HS6ST3: variants seen among roughly 807,000 people sequenced by gnomAD.
HS6ST3 encodes heparan sulfate 6-O-sulfotransferase 3.
A neutral mutation model predicts 36.7 loss-of-function variants in HS6ST3; 12 were observed. That is an observed-to-expected ratio of 0.33 (90% CI 0.21 to 0.53). The LOEUF is 0.53. HS6ST3 is among the 20% of genes least tolerant of loss of function. HS6ST3 has a pLI of 0.95. For synonymous variants in HS6ST3, 240 were observed against 257.5 expected, an observed-to-expected ratio of 0.93 and a Z score of 0.65; for missense variants, 584 against 640.9, an observed-to-expected ratio of 0.91 and a Z score of 0.96.
chr13:96,517,750 G>T (rs183128117), intron 1 of HS6ST3, among the ~76,000 whole-genome samples: 63 of 151,910 alleles, frequency 4.1e-4, no homozygotes, highest in African/African-American at 1.5e-3. Flanking sequence ...TCTCCCTCCT[G>T]CCACCCCCCA....
intron 1 of HS6ST3, among the ~76,000 whole-genome samples, chr13:96,362,373 G>T (rs1328315049): frequency 6.6e-6 from 1 of 152,124 alleles, no homozygotes; most frequent in East Asian, 1.9e-4. Flanking sequence ...TATTCATTGG[G>T]TTATTTTTAA....
chr13:96,408,521 G>A (rs1594773816), intron 1 of HS6ST3, among the ~76,000 whole-genome samples: 1 of 152,174 alleles, frequency 6.6e-6, no homozygotes, highest in Non-Finnish European at 1.5e-5. Flanking sequence ...CAGTGTGTTT[G>A]CCAGGAATAC....
chr13:96,469,548 A>G (rs895820342), intron 1 of HS6ST3, among the ~76,000 whole-genome samples: 2 of 152,160 alleles, frequency 1.3e-5, no homozygotes, highest in African/African-American at 4.8e-5. Flanking sequence ...AAGAGCAAGG[A>G]AGGAGTTTCA....
intron 1 of HS6ST3, among the ~76,000 whole-genome samples, chr13:96,162,327 A>T (rs1438916669): frequency 6.6e-6 from 1 of 152,234 alleles, no homozygotes; most frequent in Non-Finnish European, 1.5e-5. Flanking sequence ...AGACATTTGG[A>T]ATACTTGTCA....
At chr13:96,699,007 C>A (rs1285189901) in intron 1 of HS6ST3, among the ~76,000 whole-genome samples, 1 of 152,076 alleles carries the variant, frequency 6.6e-6, no homozygotes, top group Non-Finnish European at 1.5e-5. Flanking sequence ...GGAAAGGATT[C>A]CCTATTTAAT....
At chr13:96,458,081 C>A (rs4111145) in intron 1 of HS6ST3, among the ~76,000 whole-genome samples, 3 of 151,764 alleles carry the variant, frequency 2.0e-5, no homozygotes, top group Non-Finnish European at 4.4e-5. Flanking sequence ...GCCTACTAAC[C>A]TGTAGTATCT....
chr13:96,828,864 AT>A (rs1878706639), intron 1 of HS6ST3, among the ~76,000 whole-genome samples: 1 of 152,186 alleles, frequency 6.6e-6, no homozygotes, highest in Non-Finnish European at 1.5e-5. Context: ...TGAAAAAAGT[AT>A]TTTTTTCTAA....
At position 96,183,675 on chromosome 13, in the gene HS6ST3, A is replaced by G. The variant is rs538449368; in HGVS notation, c.707+92106A>G. ...ATGCTGAATGAAATAAGCCAGTTAC[A>G]AAAAGACAGATACCGAATGATTCCA... On this transcript the variant is annotated intron_variant, in intron 1 of 1. Transcript: ENST00000376705. Among the ~76,000 whole-genome samples, 107 of 152,310 alleles carry G rather than the reference A, an allele frequency of 7.0e-4. 1 individual carries two copies. The highest frequency in any genetic ancestry group is 2.3e-3 in the African/African-American group (95 of 41,562).
chr13:96,706,440 T>TAA (rs1555319848), intron 1 of HS6ST3, among the ~76,000 whole-genome samples: 61 of 137,588 alleles, frequency 4.4e-4, no homozygotes, highest in African/African-American at 8.5e-4. Context: ...TATATATATA[T>TAA]AATCAGGGAA....
chr13:96,576,084 G>T (rs2056319542), intron 1 of HS6ST3, among the ~76,000 whole-genome samples: 1 of 152,180 alleles, frequency 6.6e-6, no homozygotes, highest in Non-Finnish European at 1.5e-5. Flanking sequence ...GCCAGGAATG[G>T]GGGAGAGGGA....
At chr13:96,689,975 G>A (rs1162192289) in intron 1 of HS6ST3, among the ~76,000 whole-genome samples, 1 of 152,042 alleles carries the variant, frequency 6.6e-6, no homozygotes, top group African/African-American at 2.4e-5. Context: ...GGCACTACGT[G>A]TCCTTTAAAT....
In HS6ST3 at chr13:96,694,866, A is replaced by AG. The variant is rs200667668; in HGVS notation, c.708-137621dup. Among the ~76,000 whole-genome samples, 1,417 of 152,054 alleles carry AG rather than the reference A, an allele frequency of 9.3e-3. 21 individuals carry two copies. The highest frequency in any genetic ancestry group is 0.032 in the African/African-American group (1,310 of 41,478). On this transcript the variant is annotated intron_variant, in intron 1 of 1. Transcript: ENST00000376705. ...TGAAGTCATAGTTTTAAATTTTATG[A>AG]GGGAAAAAAACAACACAAACTTGAT...
chr13:96,174,035 A>G (rs556986073), intron 1 of HS6ST3, among the ~76,000 whole-genome samples: 27 of 151,642 alleles, frequency 1.8e-4, no homozygotes, highest in Middle Eastern at 6.8e-3. Context: ...GGCTTTTAAC[A>G]GATAGGAACA....
intron 1 of HS6ST3, among the ~76,000 whole-genome samples, chr13:96,601,815 G>C (rs2056422680): frequency 6.6e-6 from 1 of 152,122 alleles, no homozygotes; most frequent in Admixed American, 6.5e-5. Flanking sequence ...TGTGACTTTA[G>C]TATGTATAGT....
At chr13:96,231,321 G>C (rs1459360505) in intron 1 of HS6ST3, among the ~76,000 whole-genome samples, 1 of 152,166 alleles carries the variant, frequency 6.6e-6, no homozygotes, top group East Asian at 1.9e-4. Flanking sequence ...CTATAGTCCT[G>C]TATTAGTCCA....
chr13:96,654,431 A>G (rs1322747955), intron 1 of HS6ST3, among the ~76,000 whole-genome samples: 1 of 151,568 alleles, frequency 6.6e-6, no homozygotes, highest in Non-Finnish European at 1.5e-5. Context: ...GCATATGGCT[A>G]TCCAGTTTTC....
chr13:96,319,417 T>C (rs1197194092), intron 1 of HS6ST3, among the ~76,000 whole-genome samples: 1 of 152,258 alleles, frequency 6.6e-6, no homozygotes, highest in African/African-American at 2.4e-5. Context: ...TTGGGTTGTT[T>C]GAATGTTTTG....
intron 1 of HS6ST3, among the ~76,000 whole-genome samples, chr13:96,266,009 A>G (rs1008729693): frequency 2.0e-5 from 3 of 152,114 alleles, no homozygotes; most frequent in Non-Finnish European, 4.4e-5. Flanking sequence ...TGAAGTAGGA[A>G]TTATCATCCC....
intron 1 of HS6ST3, among the ~76,000 whole-genome samples, chr13:96,592,318 G>A (rs1248137668): frequency 6.6e-6 from 1 of 151,934 alleles, no homozygotes; most frequent in Non-Finnish European, 1.5e-5. Context: ...CCCTTCTCTT[G>A]CTTTTTAACT....
Sources: allele counts gnomAD v4.1 joint callset (sites outside exome capture counted in the v4.1 genomes callset), GRCh38; gene constraint gnomAD v4.1.1; transcripts MANE v1.5; gene names NCBI Gene and HGNC (gene_info 2026-07-23, HGNC 2026-07-21).